The following PSD3 variants were observed in gnomAD, a reference collection of about 807,000 sequenced individuals.
The protein encoded by PSD3 is pleckstrin and Sec7 domain containing 3, also known as PH and SEC7 domain-containing protein 3.
In PSD3, 49 loss-of-function variants were observed where a neutral mutation model predicts 105.5. The ratio of observed to expected loss-of-function variants is 0.46; its 90% confidence interval spans 0.37 to 0.59. The LOEUF is 0.59. Ranked by LOEUF, PSD3 falls within the 20% of genes least tolerant of loss-of-function variation. PSD3 has a pLI of 0.00. For synonymous variants in PSD3, 557 were observed against 457.8 expected, an observed-to-expected ratio of 1.22 and a Z score of -2.77; for missense variants, 1,561 against 1,263.8, an observed-to-expected ratio of 1.24 and a Z score of -3.57.
chr8:19,082,173 C>T (rs1219336360), intron 1 of PSD3, among the ~76,000 whole-genome samples: 1 of 152,182 alleles, frequency 6.6e-6, no homozygotes, highest in Non-Finnish European at 1.5e-5. Flanking sequence ...GTTTAACACC[C>T]AACCCTGGGC....
chr8:18,705,288 G>T (rs1239135572), intron 9 of PSD3, among the ~76,000 whole-genome samples: 1 of 152,148 alleles, frequency 6.6e-6, no homozygotes, highest in East Asian at 1.9e-4. Flanking sequence ...AGCCCTTTGG[G>T]AGGCCAAGCC....
At chr8:18,662,301 G>A (rs1413830207) in intron 9 of PSD3, among the ~76,000 whole-genome samples, 12 of 152,156 alleles carry the variant, frequency 7.9e-5, no homozygotes, top group Admixed American at 7.9e-4. Context: ...GCTAGGTACA[G>A]ATGAATCTGT....
At chr8:18,889,569 G>A (rs557516814) in intron 2 of PSD3, among the ~76,000 whole-genome samples, 9 of 152,048 alleles carry the variant, frequency 5.9e-5, no homozygotes, top group Non-Finnish European at 1.3e-4. Context: ...TGTCTTGCCC[G>A]TTCCCTTCTG....
chr8:18,645,930 C>T (rs914637052), intron 10 of PSD3, among the ~76,000 whole-genome samples: 1 of 151,946 alleles, frequency 6.6e-6, no homozygotes, highest in Admixed American at 6.6e-5. Flanking sequence ...ATGCCAAGCT[C>T]CCTACCTCTC....
chr8:18,615,128 G>A (rs1283981315), intron 11 of PSD3, among the ~76,000 whole-genome samples: 3 of 151,896 alleles, frequency 2.0e-5, no homozygotes, highest in East Asian at 1.9e-4. Context: ...TAACTTCCTC[G>A]TAAAGCAACC....
chr8:18,758,054 A>T (rs77540108), intron 9 of PSD3, among the ~76,000 whole-genome samples: 3,994 of 152,160 alleles, frequency 0.026, 250 homozygotes, highest in East Asian at 0.19. Flanking sequence ...ATTCACAGGC[A>T]GTTGTAAGAA....
chr8:18,947,500 G>T (rs1822941512), intron 1 of PSD3, among the ~76,000 whole-genome samples: 1 of 152,196 alleles, frequency 6.6e-6, no homozygotes, highest in African/African-American at 2.4e-5. Context: ...CCTGGGACAA[G>T]GGGAAGCCGG....
chr8:18,789,191 C>G (rs535617757), intron 8 of PSD3, among the ~76,000 whole-genome samples: 1 of 152,252 alleles, frequency 6.6e-6, no homozygotes, highest in East Asian at 1.9e-4. Flanking sequence ...GATACTGTTC[C>G]AGATGTCCAT....
At chr8:19,018,059 C>T (rs548032937), upstream of PSD3, among the ~76,000 whole-genome samples, 10 of 152,276 alleles carry the variant, frequency 6.6e-5, no homozygotes, top group East Asian at 1.9e-3. Context: ...CTCACCCACA[C>T]TCATTATTGT....
At chr8:18,584,335 C>T (rs566622821) in intron 12 of PSD3, among the ~76,000 whole-genome samples, 1 of 152,146 alleles carries the variant, frequency 6.6e-6, no homozygotes, top group Non-Finnish European at 1.5e-5. Flanking sequence ...GAAGTCATAA[C>T]AGTTAGAGAC....
At chr8:18,797,833 ACT>A (rs1461053250) in intron 8 of PSD3, among the ~76,000 whole-genome samples, 1 of 151,928 alleles carries the variant, frequency 6.6e-6, no homozygotes, top group African/African-American at 2.4e-5. Context: ...TAAACGTACA[ACT>A]CTTTTATGTT....
At chr8:18,604,330 G>A (rs189867886) in intron 11 of PSD3, among the ~76,000 whole-genome samples, 1 of 152,126 alleles carries the variant, frequency 6.6e-6, no homozygotes, top group Non-Finnish European at 1.5e-5. Flanking sequence ...TTTGCCCTAG[G>A]GATCTGTGTA....
chr8:18,828,606 G>A (rs1813420921), intron 4 of PSD3, among the ~76,000 whole-genome samples: 1 of 152,106 alleles, frequency 6.6e-6, no homozygotes, highest in South Asian at 2.1e-4. Context: ...TTCAAGACCA[G>A]CCTGGGCAAC....
rs35021958 is a variant in PSD3 at position 18,882,207 on chromosome 8, C to CAACAAACA, written c.131-9482_131-9475dup. Among the ~76,000 whole-genome samples, 561 of 151,412 alleles carry CAACAAACA rather than the reference C, an allele frequency of 3.7e-3. 3 individuals are homozygous for CAACAAACA. Among genetic ancestry groups the CAACAAACA allele is most frequent in the Non-Finnish European group, 4.1e-3 (281 of 67,888 alleles). On this transcript the variant is annotated intron_variant, in intron 2 of 15. Transcript: ENST00000327040. ...GGGACAACACAGCAAGATTCTGTCT[C>CAACAAACA]AACAAACAAACAAACAAACAAACAA...
Position 18,877,455 on chromosome 8 carries a change from G to T in PSD3, c.131-4722C>A, listed in dbSNP as rs1338333031. Among the ~76,000 whole-genome samples the T allele has an allele frequency of 2.0e-5, 3 of 151,696 alleles. No individual in the cohort carries two copies. In the East Asian group the frequency reaches 5.8e-4, roughly 29 times the overall value. On this transcript the variant is annotated intron_variant, in intron 2 of 15. Coordinates refer to ENST00000327040, the MANE Select transcript of PSD3 (RefSeq NM_015310.4). Reference sequence around the variant, plus strand: ...CCCATCAAAAAGCCTTGGTGCCCATGTCAAAAATCAAACATATACATATAT... The same window carrying T: ...CCCATCAAAAAGCCTTGGTGCCCATTTCAAAAATCAAACATATACATATAT...
chr8:18,920,398 A>G (rs7822016), intron 2 of PSD3, among the ~76,000 whole-genome samples: 1 of 151,972 alleles, frequency 6.6e-6, no homozygotes, highest in East Asian at 1.9e-4. Flanking sequence ...ACTTGCTTGT[A>G]CCTAAAGGAG....
chr8:18,673,319 G>A (rs971085260), intron 9 of PSD3, among the ~76,000 whole-genome samples: 5 of 152,118 alleles, frequency 3.3e-5, no homozygotes, highest in Admixed American at 2.6e-4. Context: ...TCATATTATT[G>A]TGACTATATA....
At position 18,805,272 on chromosome 8, in the gene PSD3, G is replaced by C. The variant is rs528431656; in HGVS notation, c.1635-374C>G. On this transcript the variant is annotated intron_variant, in intron 4 of 15. Transcript: ENST00000327040. ...TGTTTTACATAACAAATACTATAAA[G>C]ATACAACTATTGTTTTCCAGAAGAA... 2.4e-3 allele frequency among the ~76,000 whole-genome samples: 366 copies of C among 152,130 alleles called. 1 individual carries two copies. Among genetic ancestry groups the C allele is most frequent in the Non-Finnish European group, 4.3e-3 (290 of 67,980 alleles).
At chr8:18,539,243 A>C (rs2129945992) in intron 15 of PSD3, among the ~76,000 whole-genome samples, 1 of 152,336 alleles carries the variant, frequency 6.6e-6, no homozygotes, top group South Asian at 2.1e-4. Flanking sequence ...TTGAGGACAA[A>C]ATAAAATTGT....
Sources: allele counts gnomAD v4.1 joint callset (sites outside exome capture counted in the v4.1 genomes callset), GRCh38; gene constraint gnomAD v4.1.1; transcripts MANE v1.5; gene names NCBI Gene and HGNC (gene_info 2026-07-23, HGNC 2026-07-21).